OXSR1: variants seen among roughly 807,000 people sequenced by gnomAD.
The protein encoded by OXSR1 is serine/threonine-protein kinase OSR1.
Under a neutral mutation model 79.8 loss-of-function variants are expected in OXSR1, and 24 were observed. The observed-to-expected ratio is 0.30, with a 90% CI of 0.22 to 0.42. The LOEUF is 0.42. OXSR1 is among the 10% of genes least tolerant of loss of function. The probability of loss-of-function intolerance (pLI) is 1.00; values close to 1 mark genes in which losing one functional copy is unlikely to be tolerated. For synonymous variants in OXSR1, 226 were observed against 209.2 expected (o/e 1.08, Z -0.69); for missense variants, 430 against 618.4 (o/e 0.70, Z 3.23).
chr3:38,214,456 T>G (rs1433964639), intron 4 of OXSR1, among the ~76,000 whole-genome samples: 1 of 152,188 alleles, frequency 6.6e-6, no homozygotes, highest in East Asian at 1.9e-4. Context: ...TAGTACAGCC[T>G]TCTGCAAAAA....
chr3:38,216,185 T>G, intron 5 of OXSR1, 34 bp downstream of exon 5: 2 of 1,296,270 alleles, frequency 1.5e-6, no homozygotes, highest in Non-Finnish European at 2.2e-6. Flanking sequence ...TTTGATTTAA[T>G]GGTCAGTAGA....
At chr3:38,192,491 A>G (rs1334615267) in intron 3 of OXSR1, among the ~76,000 whole-genome samples, 4 of 152,174 alleles carry the variant, frequency 2.6e-5, no homozygotes, top group Admixed American at 2.6e-4. Context: ...TTTGACATCA[A>G]TACAAGTTTC....
intron 2 of OXSR1, among the ~76,000 whole-genome samples, chr3:38,186,784 T>C (rs999918138): frequency 6.6e-6 from 1 of 152,260 alleles, no homozygotes; most frequent in African/African-American, 2.4e-5. Context: ...TGTGCAAGTC[T>C]TCATATGTAC....
At position 38,207,581 on chromosome 3, in the gene OXSR1, C is replaced by A. The variant is rs115936395; in HGVS notation, c.435-8515C>A. Reference sequence around the variant, plus strand: ...GTTGGGGAGTGGAATGTGCTACTGACATGTAATGGGTGGAGGCCAGGGATG... The same window carrying A: ...GTTGGGGAGTGGAATGTGCTACTGAAATGTAATGGGTGGAGGCCAGGGATG... On this transcript the variant is annotated intron_variant, in intron 4 of 17. Coordinates refer to ENST00000311806, the MANE Select transcript of OXSR1 (RefSeq NM_005109.3). Among the ~76,000 whole-genome samples, 447 of 152,278 alleles carry A rather than the reference C, an allele frequency of 2.9e-3. 1 individual carries two copies. The highest frequency in any genetic ancestry group is 0.01 in the African/African-American group (427 of 41,552).
chr3:38,182,578 G>A (rs1701809315), intron 1 of OXSR1, among the ~76,000 whole-genome samples: 1 of 152,144 alleles, frequency 6.6e-6, no homozygotes, highest in Non-Finnish European at 1.5e-5. Context: ...GGGATATTTG[G>A]GAGATAAAGG....
At chr3:38,225,490 G>T (rs1321600177) in intron 8 of OXSR1, among the ~76,000 whole-genome samples, 1 of 151,956 alleles carries the variant, frequency 6.6e-6, no homozygotes, top group Non-Finnish European at 1.5e-5. Context: ...TATGTAATAG[G>T]GTTTCAGAAT....
chr3:38,218,795 G>A (rs960827174), intron 5 of OXSR1, among the ~76,000 whole-genome samples: 3 of 151,866 alleles, frequency 2.0e-5, no homozygotes, highest in Non-Finnish European at 4.4e-5. Flanking sequence ...ATAGTTTAGG[G>A]GCTTCTAACT....
intron 5 of OXSR1, among the ~76,000 whole-genome samples, chr3:38,217,568 C>T (rs1217783611): frequency 6.6e-6 from 1 of 152,040 alleles, no homozygotes; most frequent in African/African-American, 2.4e-5. Context: ...CGCTCTGTTG[C>T]CCAGGCTGGA....
intron 4 of OXSR1, among the ~76,000 whole-genome samples, chr3:38,212,532 A>G (rs1702408111): frequency 6.6e-6 from 1 of 152,216 alleles, no homozygotes; most frequent in Non-Finnish European, 1.5e-5. Context: ...TAGTGTATTT[A>G]CAGCTTTGGT....
At chr3:38,243,765 TC>T (rs532291397) in intron 12 of OXSR1, among the ~76,000 whole-genome samples, 18 of 152,388 alleles carry the variant, frequency 1.2e-4, no homozygotes, top group Admixed American at 1.0e-3. Flanking sequence ...CAAATACTGT[TC>T]CTTCACATAT....
intron 4 of OXSR1, among the ~76,000 whole-genome samples, chr3:38,199,893 A>G (rs1337373770): frequency 6.6e-6 from 1 of 152,186 alleles, no homozygotes; most frequent in African/African-American, 2.4e-5. Flanking sequence ...ACCTGGTGCC[A>G]GTGGGGCTTC....
Position 38,224,594 on chromosome 3 carries a change from C to T in OXSR1, c.726C>T (p.Asn242=), listed in dbSNP as rs749153807. 3 of 1,588,162 alleles carry T rather than the reference C, an allele frequency of 1.9e-6. No homozygotes were observed. The highest frequency in any genetic ancestry group is 4.6e-5 in the East Asian group (2 of 43,498). Residue 242 remains asparagine, a synonymous_variant, in exon 8 of 18, where the codon AAC becomes AAT. Transcript: ENST00000311806. ...AGGTTTTAATGCTGACACTGCAGAA[C>T]GATCCTCCTTCTTTGGAAACTGGTG... ...PMKVLMLTLQ[N]DPPSLETGVQ...
chr3:38,224,307 G>A (rs188006761), intron 7 of OXSR1, among the ~76,000 whole-genome samples: 1 of 152,308 alleles, frequency 6.6e-6, no homozygotes, highest in Non-Finnish European at 1.5e-5. Flanking sequence ...CCATGTTGTA[G>A]CATGTTGAAG....
chr3:38,213,989 T>A (rs890919457), intron 4 of OXSR1, among the ~76,000 whole-genome samples: 1 of 152,178 alleles, frequency 6.6e-6, no homozygotes, highest in African/African-American at 2.4e-5. Context: ...ATGGTTTAGA[T>A]ACACCACAGC....
At chr3:38,210,791 G>A (rs2125828384) in intron 4 of OXSR1, among the ~76,000 whole-genome samples, 1 of 152,274 alleles carries the variant, frequency 6.6e-6, no homozygotes, top group Middle Eastern at 3.4e-3. Flanking sequence ...AAGAAGAGTT[G>A]TTGATTTTCA....
At chr3:38,182,661 C>A (rs886411016) in intron 1 of OXSR1, among the ~76,000 whole-genome samples, 4 of 152,274 alleles carry the variant, frequency 2.6e-5, no homozygotes, top group South Asian at 2.1e-4. Context: ...TCTCTCTTTT[C>A]TACCTTTCAG....
chr3:38,246,016 A>G (rs1196853212), intron 12 of OXSR1, 59 bp from the exon 13 acceptor site: 1 of 1,537,092 alleles, frequency 6.5e-7, no homozygotes, highest in Non-Finnish European at 9.0e-7. Flanking sequence ...ACTTGCTGTC[A>G]GCAGACCTGC....
At chr3:38,198,086 C>T (rs1702099164) in intron 3 of OXSR1, among the ~76,000 whole-genome samples, 1 of 152,150 alleles carries the variant, frequency 6.6e-6, no homozygotes, top group Non-Finnish European at 1.5e-5. Flanking sequence ...TCCTCCTCTG[C>T]CTTCAACCTT....
chr3:38,239,487 T>C (rs1385874372), intron 11 of OXSR1, among the ~76,000 whole-genome samples: 3 of 152,216 alleles, frequency 2.0e-5, no homozygotes, highest in Non-Finnish European at 4.4e-5. Flanking sequence ...CAGCCATTTA[T>C]TCCCCATTAC....
Sources: allele counts gnomAD v4.1 joint callset (sites outside exome capture counted in the v4.1 genomes callset), GRCh38; gene constraint gnomAD v4.1.1; transcripts MANE v1.5; gene names NCBI Gene and HGNC (gene_info 2026-07-23, HGNC 2026-07-21).